Variants in RNLS observed in about 807,000 individuals in gnomAD.
RNLS encodes renalase.
A neutral mutation model predicts 39.8 loss-of-function variants in RNLS; 39 were observed. The ratio of observed to expected loss-of-function variants is 0.98; its 90% CI spans 0.76 to 1.28. The LOEUF is 1.28. RNLS is among the 50% of genes most tolerant of loss of function. The probability of loss-of-function intolerance (pLI) is 0.00; values close to 1 mark genes in which losing one functional copy is unlikely to be tolerated. For synonymous variants in RNLS, 147 were observed against 150.7 expected, an observed-to-expected ratio of 0.98 and a Z score of 0.18; for missense variants, 410 against 413.3, an observed-to-expected ratio of 0.99 and a Z score of 0.07.
At chr10:88,285,614 CA>C in intron 6 of RNLS, 108 bp from the exon 7 acceptor site, 3 of 924,784 alleles carry the variant, frequency 3.2e-6, no homozygotes, top group Non-Finnish European at 4.9e-6. Flanking sequence ...CAAGATTTCT[CA>C]CAAGAAGCAC....
At chr10:88,369,158 T>C (rs1003404308) in intron 4 of RNLS, among the ~76,000 whole-genome samples, 6 of 152,196 alleles carry the variant, frequency 3.9e-5, no homozygotes, top group African/African-American at 1.4e-4. Flanking sequence ...TGTTTACTTT[T>C]TAGTATTGCA....
At chr10:88,290,362 A>G (rs1370159509) in intron 6 of RNLS, among the ~76,000 whole-genome samples, 1 of 152,188 alleles carries the variant, frequency 6.6e-6, no homozygotes, top group African/African-American at 2.4e-5. Context: ...TCAAGTGGGT[A>G]GGCAAGAATT....
the RNLS span, among the ~76,000 whole-genome samples, chr10:88,198,536 C>T: frequency 2.6e-5 from 4 of 152,086 alleles, no homozygotes; most frequent in Admixed American, 6.5e-5. Flanking sequence ...CCAAATCTCA[C>T]GTTGAATTGT....
chr10:88,320,748 C>A (rs182079568), intron 5 of RNLS, among the ~76,000 whole-genome samples: 26 of 148,664 alleles, frequency 1.7e-4, no homozygotes, highest in Non-Finnish European at 3.4e-4. Context: ...TCAGAAAATT[C>A]TACTATTTTA....
intron 4 of RNLS, among the ~76,000 whole-genome samples, chr10:88,459,399 T>C (rs1842818040): frequency 6.6e-6 from 1 of 152,124 alleles, no homozygotes; most frequent in South Asian, 2.1e-4. Context: ...TCCACTACTT[T>C]TATTGGAAAT....
the RNLS span, among the ~76,000 whole-genome samples, chr10:88,212,964 G>A: frequency 2.6e-5 from 4 of 152,188 alleles, no homozygotes; most frequent in Non-Finnish European, 5.9e-5. Flanking sequence ...GTGTGATTCA[G>A]AAGAATGTGA....
chr10:88,568,078 G>C (rs569292486), intron 4 of RNLS, among the ~76,000 whole-genome samples: 2 of 152,252 alleles, frequency 1.3e-5, no homozygotes, highest in African/African-American at 4.8e-5. Flanking sequence ...GACGGGCCAG[G>C]GTCAGTGAGC....
chr10:88,195,673 T>C, the RNLS span, among the ~76,000 whole-genome samples: 2 of 152,200 alleles, frequency 1.3e-5, no homozygotes, highest in African/African-American at 2.4e-5. Context: ...TCAAGTTTCC[T>C]TGCCTCTTGG....
intron 3 of RNLS, among the ~76,000 whole-genome samples, chr10:88,580,582 C>T (rs995691682): frequency 1.3e-5 from 2 of 152,082 alleles, no homozygotes; most frequent in Non-Finnish European, 2.9e-5. Flanking sequence ...CATCAATTAT[C>T]CAAGAAAAAT....
chr10:88,203,422 GTA>G, the RNLS span, among the ~76,000 whole-genome samples: 10 of 89,082 alleles, frequency 1.1e-4, no homozygotes, highest in Non-Finnish European at 1.9e-4. Flanking sequence ...ACACGTATGT[GTA>G]TATATATATA....
intron 4 of RNLS, among the ~76,000 whole-genome samples, chr10:88,393,298 G>A (rs1318127994): frequency 7.2e-5 from 11 of 151,880 alleles, no homozygotes; most frequent in African/African-American, 1.5e-4. Context: ...AAACCCCATC[G>A]TCTCAGCCCA....
intron 5 of RNLS, among the ~76,000 whole-genome samples, chr10:88,337,749 A>C (rs1218728571): frequency 1.3e-5 from 2 of 152,170 alleles, no homozygotes; most frequent in African/African-American, 2.4e-5. Flanking sequence ...AACAATAATA[A>C]GTCTCCCCAC....
chr10:88,437,878 G>T (rs577455440), intron 4 of RNLS, among the ~76,000 whole-genome samples: 1 of 152,092 alleles, frequency 6.6e-6, no homozygotes, highest in African/African-American at 2.4e-5. Flanking sequence ...TGTAATCTCA[G>T]CACTTTGGGA....
chr10:88,526,917 A>G (rs946248239), intron 4 of RNLS, among the ~76,000 whole-genome samples: 1 of 148,414 alleles, frequency 6.7e-6, no homozygotes, highest in Admixed American at 6.7e-5. Context: ...TGGAGGCACC[A>G]GGTGTCTCTG....
chr10:88,371,241 G>A (rs1188006320), intron 4 of RNLS, among the ~76,000 whole-genome samples: 1 of 152,092 alleles, frequency 6.6e-6, no homozygotes, highest in Non-Finnish European at 1.5e-5. Context: ...CATAACAAGT[G>A]TATTGCAAAA....
chr10:88,504,969 C>T (rs1442732463), intron 4 of RNLS, among the ~76,000 whole-genome samples: 1 of 151,324 alleles, frequency 6.6e-6, no homozygotes, highest in Non-Finnish European at 1.5e-5. Context: ...TGAAGAAACC[C>T]GTGGTGCTGC....
At chr10:88,232,040 G>A in the RNLS span, among the ~76,000 whole-genome samples, 2 of 152,154 alleles carry the variant, frequency 1.3e-5, no homozygotes, top group African/African-American at 4.8e-5. Flanking sequence ...GTTGTGAGAT[G>A]TCTGTGGTGG....
downstream of RNLS, among the ~76,000 whole-genome samples, chr10:88,268,932 A>T (rs1842575619): frequency 6.6e-6 from 1 of 152,252 alleles, no homozygotes; most frequent in African/African-American, 2.4e-5. Flanking sequence ...CCACTCCAGC[A>T]CATGGTGGCT....
At chr10:88,427,698 A>C (rs1854874364) in intron 4 of RNLS, among the ~76,000 whole-genome samples, 1 of 152,030 alleles carries the variant, frequency 6.6e-6, no homozygotes, top group Admixed American at 6.6e-5. Flanking sequence ...ACTCCATAGA[A>C]CAGAGAGAAA....
Sources: allele counts gnomAD v4.1 joint callset (sites outside exome capture counted in the v4.1 genomes callset), GRCh38; gene constraint gnomAD v4.1.1; transcripts MANE v1.5; gene names NCBI Gene and HGNC (gene_info 2026-07-23, HGNC 2026-07-21).